The following SEPHS1 variants were observed in gnomAD, a reference collection of about 807,000 sequenced individuals.
SEPHS1 encodes the protein zincore component SEPHS1.
SEPHS1 carries 7 observed loss-of-function variants against 39.2 expected under a neutral mutation model. That is an observed-to-expected ratio of 0.18 (90% confidence interval 0.10 to 0.34). The LOEUF is 0.34. Among genes scored for constraint, SEPHS1 ranks in the 10% least tolerant of loss-of-function variants. The pLI, the probability that SEPHS1 is intolerant of heterozygous loss-of-function variation, is 1.00. For missense variants in SEPHS1, 253 were observed against 514.5 expected (o/e 0.49, Z 4.92); for synonymous variants, 190 against 195.5 (o/e 0.97, Z 0.23).
chr10:13,346,663 C>G (rs530489043), intron 1 of SEPHS1, among the ~76,000 whole-genome samples: 1 of 151,864 alleles, frequency 6.6e-6, no homozygotes, highest in Admixed American at 6.6e-5. Flanking sequence ...ACAAAAACAA[C>G]AAAGTCCTTT....
intron 7 of SEPHS1, among the ~76,000 whole-genome samples, chr10:13,323,892 A>G (rs1023036962): frequency 2.6e-5 from 4 of 152,142 alleles, no homozygotes; most frequent in African/African-American, 7.2e-5. Flanking sequence ...CCACTGCTCA[A>G]TAATATTCCA....
At position 13,319,467 on chromosome 10, in the gene SEPHS1, T is replaced by A. The variant is rs868766744; in HGVS notation, c.965-111A>T. 4 of 1,053,122 alleles carry A rather than the reference T, an allele frequency of 3.8e-6. No homozygotes were observed. In the Middle Eastern group the frequency reaches 8.3e-4, roughly 217 times the overall value. The allele number at this position is 1,053,122 out of a possible 1,614,324, so 65.2% of individuals were successfully genotyped here. A position where few individuals can be genotyped will look rare whatever the true frequency, so the allele number is the denominator to read the frequency against. On this transcript the variant is annotated intron_variant, in intron 8 of 8. Transcript: ENST00000327347. ...CATCAACAACTTGCTGCCACCTATA[T>A]GCAAGTAGCTCTTCCCATTCAACTA... is the stretch of plus-strand genomic sequence containing the variant.
intron 4 of SEPHS1, among the ~76,000 whole-genome samples, chr10:13,336,014 C>G (rs1833621508): frequency 6.7e-6 from 1 of 148,882 alleles, no homozygotes. Context: ...TGGTTTCAGT[C>G]TACTGGGAAG....
chr10:13,319,881 A>T (rs1450666178), intron 8 of SEPHS1, among the ~76,000 whole-genome samples: 1 of 152,222 alleles, frequency 6.6e-6, no homozygotes, highest in Non-Finnish European at 1.5e-5. Flanking sequence ...CCTATTCGTG[A>T]ACCACATAAC....
rs1393183637 is a variant in SEPHS1, at chr10:13,318,751, AT to A, written c.*390del. The stretch of plus-strand genomic sequence containing the variant: ...CCATTCAAGACGCTTAAAAAAAAAA[AT>A]CAGACTTATATGATAAATATACATA... On this transcript the variant is annotated 3_prime_UTR_variant, in exon 9 of 9. Transcript: ENST00000327347. 1.1e-5 allele frequency: 2 copies of A among 186,980 alleles called. No homozygotes were observed. The highest frequency in any genetic ancestry group is 4.8e-5 in the African/African-American group (2 of 41,700). The allele number at this position is 186,980 out of a possible 1,614,324, so 11.6% of individuals were successfully genotyped here.
At chr10:13,333,769 C>G in intron 5 of SEPHS1, 48 bp downstream of exon 5, 1 of 1,588,670 alleles carries the variant, frequency 6.3e-7, no homozygotes, top group Non-Finnish European at 8.6e-7. Flanking sequence ...AAAGAGAGGA[C>G]AGAGAGAGAA....
At chr10:13,322,711 G>T in intron 8 of SEPHS1, 124 bp downstream of exon 8, 1 of 858,794 alleles carries the variant, frequency 1.2e-6, no homozygotes, top group East Asian at 2.7e-5. Context: ...TGCTGCGGAG[G>T]CCGAGGTCAG....
chr10:13,317,847 T>G lies in SEPHS1; in HGVS notation c.*1295A>C, dbSNP rs765442679. 1 of 152,176 alleles carries G rather than the reference T, an allele frequency of 6.6e-6. No homozygotes were observed. Among genetic ancestry groups the G allele is most frequent in the Non-Finnish European group, 1.5e-5 (1 of 68,042 alleles). 9.4% of individuals were successfully genotyped at this position (152,176 alleles called of 1,614,324 possible). Reference sequence around the variant, plus strand: ...ACAGGAATCCCTCCTCATTGCTTAGTAGGTTAAAATATAAGGAAGCCTCCA... The same window carrying G: ...ACAGGAATCCCTCCTCATTGCTTAGGAGGTTAAAATATAAGGAAGCCTCCA... On this transcript the variant is annotated 3_prime_UTR_variant, in exon 9 of 9. Transcript: ENST00000327347.
intron 8 of SEPHS1, 117 bp downstream of exon 8, chr10:13,322,718 T>G: frequency 1.1e-6 from 1 of 938,088 alleles, no homozygotes; most frequent in Non-Finnish European, 1.6e-6. Context: ...GAGGCCGAGG[T>G]CAGCAGCATG....
At chr10:13,334,068 A>T (rs1833551396) in intron 4 of SEPHS1, 97 bp from the exon 5 acceptor site, 1 of 1,126,652 alleles carries the variant, frequency 8.9e-7, no homozygotes, top group Admixed American at 2.6e-5. Flanking sequence ...AGAACCATAA[A>T]ATCCTAAAGG....
chr10:13,340,381 A>G (rs1833749825), intron 2 of SEPHS1, among the ~76,000 whole-genome samples: 1 of 152,146 alleles, frequency 6.6e-6, no homozygotes, highest in Non-Finnish European at 1.5e-5. Flanking sequence ...TTCATCTGTC[A>G]GAGGAGAACG....
At position 13,332,986 on chromosome 10, in the gene SEPHS1, A is replaced by G. The variant is rs75925649; in HGVS notation, c.560+831T>C. Among the ~76,000 whole-genome samples the G allele has an allele frequency of 3.8e-3, 578 of 152,302 alleles. 19 individuals carry two copies. In the East Asian group the frequency reaches 0.08, roughly 21 times the overall value. On this transcript the variant is annotated intron_variant, in intron 5 of 8. Coordinates refer to ENST00000327347, the MANE Select transcript of SEPHS1 (RefSeq NM_012247.5). ...GGATGGAGCAGGAGTGAACAGTGAG[A>G]GCCGAGGAGGATGGGGTTTCTTCCT...
chr10:13,334,245 A>G (rs1053016985), intron 4 of SEPHS1, among the ~76,000 whole-genome samples: 1 of 152,166 alleles, frequency 6.6e-6, no homozygotes, highest in Non-Finnish European at 1.5e-5. Flanking sequence ...CGAAACATGT[A>G]AAAATTGCTG....
At chr10:13,330,181 C>G (rs1212790173) in intron 5 of SEPHS1, among the ~76,000 whole-genome samples, 2 of 152,172 alleles carry the variant, frequency 1.3e-5, no homozygotes, top group African/African-American at 4.8e-5. Context: ...CAGATTTCCC[C>G]TCGACCACAT....
At chr10:13,345,089 A>C in intron 1 of SEPHS1, 61 bp from the exon 2 acceptor site, 1 of 693,160 alleles carries the variant, frequency 1.4e-6, no homozygotes, top group Non-Finnish European at 2.3e-6. Context: ...CCTGCCAGCG[A>C]ATCAAGTGAA....
intron 3 of SEPHS1, 29 bp downstream of exon 3, chr10:13,338,676 G>C (rs1833708942): frequency 6.4e-7 from 1 of 1,556,312 alleles, no homozygotes; most frequent in African/African-American, 1.4e-5. Context: ...AGCCCTTCCA[G>C]TCACAAAAAC....
intron 8 of SEPHS1, chr10:13,321,907 T>G: frequency 6.5e-6 from 2 of 307,626 alleles, no homozygotes; most frequent in South Asian, 5.4e-5. Context: ...GAGCTTAATC[T>G]TAGAAAAATG....
rs934664304 is a variant in SEPHS1 at position 13,318,932 on chromosome 10, C to G, written c.*210G>C. On this transcript the variant is annotated 3_prime_UTR_variant, in exon 9 of 9. Transcript: ENST00000327347. ...AACAATATAATTCTCAACTCAGAAG[C>G]TGCCTCAAGATTAGGTGCATCTTCA... 2.9e-5 allele frequency: 16 copies of G among 555,810 alleles called. 1 individual carries two copies. The highest frequency in any genetic ancestry group is 2.8e-4 in the South Asian group (12 of 42,848). 34.4% of individuals were successfully genotyped at this position (555,810 alleles called of 1,614,324 possible).
chr10:13,321,010 G>T (rs1833094476), intron 8 of SEPHS1, among the ~76,000 whole-genome samples: 2 of 152,120 alleles, frequency 1.3e-5, no homozygotes, highest in African/African-American at 4.8e-5. Context: ...AAAATGGTTT[G>T]TTTTTTTAAA....
Sources: gnomAD v4.1 joint callset for allele counts (sites outside exome capture counted in the v4.1 genomes callset) on GRCh38, gnomAD v4.1.1 for gene constraint, MANE v1.5 for transcripts, NCBI Gene and HGNC (gene_info 2026-07-23, HGNC 2026-07-21) for gene names.